Variants in SGSM1 observed in about 807,000 individuals in gnomAD.
The protein encoded by SGSM1 is small G protein signaling modulator 1.
A neutral mutation model predicts 133.8 loss-of-function variants in SGSM1; 73 were observed. The observed-to-expected ratio is 0.55, with a 90% CI of 0.45 to 0.66. The LOEUF is 0.66. Ranked by LOEUF, SGSM1 falls within the 30% of genes least tolerant of loss-of-function variation. The probability of loss-of-function intolerance (pLI) is 0.00; values close to 1 mark genes in which losing one functional copy is unlikely to be tolerated. For synonymous variants in SGSM1, 563 were observed against 573.0 expected (o/e 0.98, Z 0.25); for missense variants, 1,213 against 1,448.1 (o/e 0.84, Z 2.64).
rs1271811035 is a variant in SGSM1, at chr22:24,925,743, A to AGTCT, written c.*1470_*1471insTCTG. 3.9e-5 allele frequency: 6 copies of AGTCT among 152,316 alleles called. No individual in the cohort carries two copies. Among genetic ancestry groups the AGTCT allele is most frequent in the Non-Finnish European group, 7.3e-5 (5 of 68,144 alleles). 9.4% of individuals were successfully genotyped at this position (152,316 alleles called of 1,614,324 possible). A position where few individuals can be genotyped will look rare whatever the true frequency, so the allele number is the denominator to read the frequency against. ...CACTCAGGACAAAGGAGGAAAAGGAAGGCAGAGGTCAGCCAGGGTAGAGGG... is the reference window on the plus strand; with the variant it reads ...CACTCAGGACAAAGGAGGAAAAGGAAGTCTGGCAGAGGTCAGCCAGGGTAGAGGG... On this transcript the variant is annotated 3_prime_UTR_variant, in exon 25 of 25. Coordinates refer to ENST00000400358, the MANE Select transcript of SGSM1 (RefSeq NM_001098497.3).
intron 22 of SGSM1, among the ~76,000 whole-genome samples, chr22:24,917,055 C>CTTTT (rs139775): frequency 8.4e-6 from 1 of 118,466 alleles, no homozygotes; most frequent in Non-Finnish European, 1.7e-5. Context: ...ATAAAAAATT[C>CTTTT]TTTTTTTTTT....
chr22:24,847,849 G>A, intron 4 of SGSM1, 53 bp downstream of exon 4: 1 of 1,586,884 alleles, frequency 6.3e-7, no homozygotes, highest in Non-Finnish European at 8.6e-7. Flanking sequence ...ATAGTCCACA[G>A]TCCTCCCTGG....
At chr22:24,893,941 CCTGA>C (rs1932860373) in intron 17 of SGSM1, among the ~76,000 whole-genome samples, 1 of 152,184 alleles carries the variant, frequency 6.6e-6, no homozygotes, top group Non-Finnish European at 1.5e-5. Context: ...TGGCGCACTG[CCTGA>C]CTTTCATTGA....
chr22:24,908,494 T>C (rs1039096134), intron 21 of SGSM1, among the ~76,000 whole-genome samples: 27 of 152,076 alleles, frequency 1.8e-4, no homozygotes, highest in African/African-American at 2.4e-5. Context: ...AAACAACTCT[T>C]ACAATTCAAC....
In SGSM1 at chr22:24,868,428, G is replaced by A. The variant is rs770818059; in HGVS notation, c.1047G>A (p.Pro349=). The change falls in exon 11 of 25, where the codon CCG becomes CCA. Residue 349 remains proline, a synonymous_variant. Transcript: ENST00000400358. The part of the protein sequence containing the change: ...VLVSQDGIQR[P]PFRFPKGGHL... ...TCAGCCAGGACGGGATCCAGAGGCCGCCCTTCCGCTTCCCCAAGGGCGGGC... is the reference window on the plus strand; with the variant it reads ...TCAGCCAGGACGGGATCCAGAGGCCACCCTTCCGCTTCCCCAAGGGCGGGC... The A allele has an allele frequency of 8.7e-6, 14 of 1,613,810 alleles. No homozygotes were observed. The South Asian group carries it at 1.1e-4, about 13-fold the overall frequency.
intron 9 of SGSM1, among the ~76,000 whole-genome samples, chr22:24,860,254 A>G (rs1054147764): frequency 1.3e-5 from 2 of 152,226 alleles, no homozygotes; most frequent in Admixed American, 6.5e-5. Flanking sequence ...CTTGTGATTT[A>G]TAAGACCCAG....
At chr22:24,841,086 G>C (rs527693385) in intron 2 of SGSM1, among the ~76,000 whole-genome samples, 2 of 152,148 alleles carry the variant, frequency 1.3e-5, no homozygotes, top group South Asian at 2.1e-4. Context: ...TCCTGACCTT[G>C]TGATCCGCCC....
chr22:24,842,948 T>C (rs1929891675), intron 2 of SGSM1, among the ~76,000 whole-genome samples: 1 of 152,000 alleles, frequency 6.6e-6, no homozygotes, highest in African/African-American at 2.4e-5. Context: ...AAAACTAAGG[T>C]TCAGAGAAGT....
intron 4 of SGSM1, 142 bp downstream of exon 4, chr22:24,847,938 C>CCCCCACT (rs1930244697): frequency 8.4e-7 from 1 of 1,189,234 alleles, no homozygotes; most frequent in African/African-American, 1.6e-5. Flanking sequence ...TCTTTCCCAC[C>CCCCCACT]CCAGGGTCTT....
At chr22:24,831,703 C>T (rs117191244) in intron 2 of SGSM1, among the ~76,000 whole-genome samples, 1,592 of 152,324 alleles carry the variant, frequency 0.01, 30 homozygotes, top group East Asian at 0.065. Flanking sequence ...CTCTTGATAT[C>T]CTTTGAACAC....
At position 24,926,073 on chromosome 22, in the gene SGSM1, A is replaced by T. The variant is rs1410286231; in HGVS notation, c.*1799A>T. 1 of 152,242 alleles carries T rather than the reference A, an allele frequency of 6.6e-6. No individual in the cohort carries two copies. The highest frequency in any genetic ancestry group is 1.9e-4 in the East Asian group (1 of 5,198). The allele number at this position is 152,242 out of a possible 1,614,324, so 9.4% of individuals were successfully genotyped here. On this transcript the variant is annotated 3_prime_UTR_variant, in exon 25 of 25. Transcript: ENST00000400358. Reference sequence around the variant, plus strand: ...AGCTGGGATTTTGGAGAGGGAGAGGATAGGTAAAGCAGCGTATTGAAGCAT... The same window carrying T: ...AGCTGGGATTTTGGAGAGGGAGAGGTTAGGTAAAGCAGCGTATTGAAGCAT...
intron 2 of SGSM1, among the ~76,000 whole-genome samples, chr22:24,807,058 C>T (rs1367832558): frequency 6.6e-6 from 1 of 152,258 alleles, no homozygotes; most frequent in Admixed American, 6.5e-5. Context: ...CCTTCACTCC[C>T]CCCGCCCCAC....
intron 14 of SGSM1, among the ~76,000 whole-genome samples, chr22:24,882,253 A>G (rs1319208582): frequency 6.6e-6 from 1 of 151,796 alleles, no homozygotes; most frequent in Non-Finnish European, 1.5e-5. Flanking sequence ...TTTTTTTTGT[A>G]GAGATGTGGT....
chr22:24,843,602 A>G (rs938058609), intron 2 of SGSM1: 2 of 152,204 alleles, frequency 1.3e-5, no homozygotes, highest in Admixed American at 6.5e-5. Context: ...AACCTCCTCA[A>G]CCTCAAAGTG....
chr22:24,818,752 A>C (rs529275236), intron 2 of SGSM1, among the ~76,000 whole-genome samples: 1 of 152,272 alleles, frequency 6.6e-6, no homozygotes, highest in East Asian at 1.9e-4. Flanking sequence ...TGTGATACAG[A>C]GATGATTGCA....
At chr22:24,874,800 G>A (rs921924065) in intron 12 of SGSM1, among the ~76,000 whole-genome samples, 4 of 152,190 alleles carry the variant, frequency 2.6e-5, no homozygotes, top group African/African-American at 9.7e-5. Context: ...CATGGATGTG[G>A]GTGTGAGAGG....
intron 21 of SGSM1, among the ~76,000 whole-genome samples, chr22:24,909,916 A>G (rs1933556355): frequency 6.6e-6 from 1 of 152,242 alleles, no homozygotes; most frequent in African/African-American, 2.4e-5. Flanking sequence ...AGCATTATTC[A>G]TAATACCCAA....
At chr22:24,841,611 T>G (rs995292005) in intron 2 of SGSM1, among the ~76,000 whole-genome samples, 1 of 152,212 alleles carries the variant, frequency 6.6e-6, no homozygotes, top group African/African-American at 2.4e-5. Context: ...GGGAGACCAG[T>G]AAGAGTCTAC....
intron 2 of SGSM1, among the ~76,000 whole-genome samples, chr22:24,840,914 T>C (rs763085408): frequency 6.6e-6 from 1 of 152,028 alleles, no homozygotes; most frequent in Non-Finnish European, 1.5e-5. Context: ...GCAGTGGCGC[T>C]ATCTCGGCTC....
Sources: allele counts gnomAD v4.1 joint callset (sites outside exome capture counted in the v4.1 genomes callset), GRCh38; gene constraint gnomAD v4.1.1; transcripts MANE v1.5; gene names NCBI Gene and HGNC (gene_info 2026-07-23, HGNC 2026-07-21).